Variants in CYLD observed in about 807,000 individuals in gnomAD.
CYLD encodes ubiquitin carboxyl-terminal hydrolase CYLD.
In CYLD, 26 loss-of-function variants were observed where a neutral mutation model predicts 104.5. The observed-to-expected ratio is 0.25, with a 90% CI of 0.18 to 0.35. The LOEUF is 0.35. Among genes scored for constraint, CYLD ranks in the 10% least tolerant of loss-of-function variants. The pLI, the probability that CYLD is intolerant of heterozygous loss-of-function variation, is 1.00. For synonymous variants in CYLD, 385 were observed against 399.9 expected (o/e 0.96, Z 0.45); for missense variants, 703 against 1,136.1 (o/e 0.62, Z 5.48).
intron 5 of CYLD, among the ~76,000 whole-genome samples, chr16:50,755,752 G>T (rs1967160154): frequency 6.6e-6 from 1 of 151,962 alleles, no homozygotes; most frequent in South Asian, 2.1e-4. Context: ...TTGCTGATTT[G>T]TTTGAGTTCT....
intron 5 of CYLD, among the ~76,000 whole-genome samples, chr16:50,768,184 A>G (rs940437556): frequency 1.3e-5 from 2 of 152,178 alleles, no homozygotes; most frequent in Non-Finnish European, 2.9e-5. Context: ...ATTAAGAATG[A>G]TACCAGCATT....
intron 2 of CYLD, among the ~76,000 whole-genome samples, chr16:50,746,674 A>G (rs1357258645): frequency 6.6e-6 from 1 of 152,170 alleles, no homozygotes; most frequent in Non-Finnish European, 1.5e-5. Context: ...AAAATATGGT[A>G]CTTGAAAGCT....
intron 7 of CYLD, 65 bp downstream of exon 7, chr16:50,776,342 A>G (rs1199434141): frequency 2.6e-6 from 3 of 1,135,804 alleles, no homozygotes; most frequent in Non-Finnish European, 4.0e-6. Flanking sequence ...TAGCATTAAA[A>G]AAGATTATAA....
intron 15 of CYLD, among the ~76,000 whole-genome samples, 160 bp downstream of exon 15, chr16:50,791,850 G>A (rs1230641969): frequency 6.6e-6 from 1 of 152,204 alleles, no homozygotes; most frequent in East Asian, 1.9e-4. Context: ...TTTCAACTTT[G>A]CCTTTACAGA....
rs764804948 is a variant in CYLD, at chr16:50,754,980, CATATATACATATATATGT to C, written c.913+624_913+641del. Among the ~76,000 whole-genome samples, 746 of 112,410 alleles carry C rather than the reference CATATATACATATATATGT, an allele frequency of 6.6e-3. 17 individuals are homozygous for C. Among genetic ancestry groups the C allele is most frequent in the East Asian group, 0.017 (67 of 3,976 alleles). 73.7% of individuals were successfully genotyped at this position (112,410 alleles called of 152,430 possible). Reference sequence around the variant, plus strand: ...ATACATATACACACATATATGTATACATATATACATATATATGTATATATACATATATATGTATATATA... The same window carrying C: ...ATACATATACACACATATATGTATACATATATACATATATATGTATATATA... On this transcript the variant is annotated intron_variant, in intron 5 of 18. Transcript: ENST00000427738.
chr16:50,794,675 C>A lies in CYLD; in HGVS notation c.2686+247C>A. 1 of 495,930 alleles carries A rather than the reference C, an allele frequency of 2.0e-6. No individual in the cohort carries two copies. Among genetic ancestry groups the A allele is most frequent in the Non-Finnish European group, 3.7e-6 (1 of 272,974 alleles). 30.7% of individuals were successfully genotyped at this position (495,930 alleles called of 1,614,324 possible). A position where few individuals can be genotyped will look rare whatever the true frequency, so the allele number is the denominator to read the frequency against. On this transcript the variant is annotated intron_variant, in intron 18 of 18. Coordinates refer to ENST00000427738, the MANE Select transcript of CYLD (RefSeq NM_001378743.1). The surrounding 1 kb of genome is among the most constrained non-coding windows in gnomAD (Gnocchi z 4.1). Reference sequence around the variant, plus strand: ...TCACTCTGTCACCCAGGCTGGAGTGCAGCAGCGTGATCTTGGCTCATTGCA... The same window carrying A: ...TCACTCTGTCACCCAGGCTGGAGTGAAGCAGCGTGATCTTGGCTCATTGCA...
chr16:50,754,642 C>T, intron 5 of CYLD, among the ~76,000 whole-genome samples: 2 of 150,840 alleles, frequency 1.3e-5, no homozygotes, highest in East Asian at 2.0e-4. Context: ...ATTCTTTCCC[C>T]CTGAGTCCCC....
intron 2 of CYLD, among the ~76,000 whole-genome samples, chr16:50,745,018 A>G (rs1221777374): frequency 6.6e-6 from 1 of 152,200 alleles, no homozygotes; most frequent in African/African-American, 2.4e-5. Context: ...TAAACATATT[A>G]TTGTGTTTCA....
intron 3 of CYLD, among the ~76,000 whole-genome samples, chr16:50,750,605 G>A (rs1966539507): frequency 1.3e-5 from 2 of 152,092 alleles, no homozygotes; most frequent in South Asian, 2.1e-4. Context: ...GATGAATTGC[G>A]AAGATGTAAA....
At position 50,757,350 on chromosome 16, in the gene CYLD, C is replaced by T. The variant is rs561271124; in HGVS notation, c.913+2926C>T. 3.0e-4 allele frequency among the ~76,000 whole-genome samples: 45 copies of T among 152,256 alleles called. 1 individual carries two copies. The highest frequency in any genetic ancestry group is 1.0e-3 in the African/African-American group (43 of 41,544). ...TAGGATTCAAATGATAGCTTTATTT[C>T]AATTTTACTTCTTCAAAGTGTGACA... On this transcript the variant is annotated intron_variant, in intron 5 of 18. Transcript: ENST00000427738.
chr16:50,785,020 T>A (rs1177645267), intron 12 of CYLD: 1 of 154,100 alleles, frequency 6.5e-6, no homozygotes, highest in African/African-American at 2.4e-5. Flanking sequence ...TTAGGAATTA[T>A]AAATATGTCT....
intron 5 of CYLD, among the ~76,000 whole-genome samples, chr16:50,758,256 C>T (rs1381221817): frequency 1.3e-5 from 2 of 152,106 alleles, no homozygotes; most frequent in Admixed American, 6.5e-5. Context: ...ATGTGGATTC[C>T]GAGGGAGAGC....
chr16:50,800,147 G>C lies in CYLD; in HGVS notation c.*3639G>C, dbSNP rs981146112. 2.6e-5 allele frequency: 6 copies of C among 232,782 alleles called. No homozygotes were observed. The highest frequency in any genetic ancestry group is 5.1e-5 in the Non-Finnish European group (6 of 117,884). The allele number at this position is 232,782 out of a possible 1,614,324, so 14.4% of individuals were successfully genotyped here. On this transcript the variant is annotated 3_prime_UTR_variant, in exon 19 of 19. Coordinates refer to ENST00000427738, the MANE Select transcript of CYLD (RefSeq NM_001378743.1). ...CAACAGCTTGACCTCTTGAGCTTTA[G>C]TTTCCTCCTCTGCATAATGAGAGGG...
At chr16:50,791,491 A>G in intron 14 of CYLD, 67 bp from the exon 15 acceptor site, 1 of 1,569,262 alleles carries the variant, frequency 6.4e-7, no homozygotes, top group Non-Finnish European at 8.8e-7. Context: ...TGCTGGGACA[A>G]CTTAACATTT....
At chr16:50,769,793 A>T (rs909171718) in intron 5 of CYLD, among the ~76,000 whole-genome samples, 2 of 152,078 alleles carry the variant, frequency 1.3e-5, no homozygotes, top group African/African-American at 4.8e-5. Context: ...TGCCGCACAA[A>T]TTCCCTCTTC....
At chr16:50,756,829 C>T (rs972933821) in intron 5 of CYLD, among the ~76,000 whole-genome samples, 5 of 152,222 alleles carry the variant, frequency 3.3e-5, no homozygotes, top group Middle Eastern at 3.4e-3. Context: ...AGCTGGGGCT[C>T]GGATGGACAA....
intron 5 of CYLD, among the ~76,000 whole-genome samples, chr16:50,771,778 G>T (rs527631994): frequency 4.1e-4 from 62 of 152,122 alleles, no homozygotes; most frequent in African/African-American, 1.4e-3. Flanking sequence ...AAAATCTATG[G>T]ATATCTAATT....
Position 50,796,687 on chromosome 16 carries a change from TAAG to T in CYLD, c.*183_*185del, listed in dbSNP as rs1972080400. 1.5e-6 allele frequency: 1 copy of T among 654,548 alleles called. No individual in the cohort carries two copies. Among genetic ancestry groups the T allele is most frequent in the Admixed American group, 2.3e-5 (1 of 42,636 alleles). The allele number at this position is 654,548 out of a possible 1,614,324, so 40.5% of individuals were successfully genotyped here. The stretch of plus-strand genomic sequence containing the variant: ...GCTTTTGTGTCCCTGAAGTATTTAA[TAAG>T]AAGCATTTTGCACTCTAGAAAGTAT... On this transcript the variant is annotated 3_prime_UTR_variant, in exon 19 of 19. Coordinates refer to ENST00000427738, the MANE Select transcript of CYLD (RefSeq NM_001378743.1).
chr16:50,750,780 G>A (rs994166610), intron 3 of CYLD, among the ~76,000 whole-genome samples: 7 of 151,804 alleles, frequency 4.6e-5, no homozygotes, highest in African/African-American at 9.7e-5. Context: ...ATTACCTTGC[G>A]TTATCATCTA....
Sources: allele counts gnomAD v4.1 joint callset (sites outside exome capture counted in the v4.1 genomes callset), GRCh38; gene constraint gnomAD v4.1.1; non-coding constraint Gnocchi (gnomAD v3.1); transcripts MANE v1.5; gene names NCBI Gene and HGNC (gene_info 2026-07-23, HGNC 2026-07-21).